The following ANK2 variants were observed in gnomAD, a reference collection of about 807,000 sequenced individuals.
The protein encoded by ANK2 is ankyrin 2.
ANK2 carries 83 observed loss-of-function variants against 360.5 expected under a neutral mutation model. The ratio of observed to expected loss-of-function variants is 0.23; its 90% confidence interval spans 0.19 to 0.28. The LOEUF (loss-of-function observed/expected upper bound fraction) is 0.28. ANK2 is among the 10% of genes least tolerant of loss of function. The pLI, the probability that ANK2 is intolerant of heterozygous loss-of-function variation, is 1.00. For synonymous variants in ANK2, 1,740 were observed against 1,759.5 expected, an observed-to-expected ratio of 0.99 and a Z score of 0.28; for missense variants, 4,201 against 4,795.7, an observed-to-expected ratio of 0.88 and a Z score of 3.66.
rs1476016380 is a variant in ANK2 at position 113,354,471 on chromosome 4, A to G, written c.5853A>G (p.Val1951=). ...GAAGAACGGACAAGCACCAACCTGT[A>G]TCAACAGCTGGGAAAACTGAGAAGC... ...PSGRTDKHQP[V]STAGKTEKHL... is the part of the protein sequence containing the mutation. The change falls in exon 38 of 46, where the codon GTA becomes GTG. Residue 1951 remains valine (V), a synonymous_variant. Transcript: ENST00000357077. 3.7e-6 allele frequency: 6 copies of G among 1,614,150 alleles called. No individual in the cohort carries two copies. In the East Asian group the frequency reaches 1.1e-4, roughly 30 times the overall value.
the ANK2 span, among the ~76,000 whole-genome samples, chr4:112,774,881 C>T: frequency 6.6e-6 from 1 of 152,170 alleles, no homozygotes; most frequent in Non-Finnish European, 1.5e-5. Context: ...AGAGATTTAA[C>T]GGGACAAGAC....
At chr4:112,761,639 A>C in the ANK2 span, among the ~76,000 whole-genome samples, 1 of 91,402 alleles carries the variant, frequency 1.1e-5, no homozygotes. Flanking sequence ...TAAATAAATA[A>C]AAATAAAATA....
chr4:113,145,281 A>G (rs1288389255), intron 1 of ANK2, among the ~76,000 whole-genome samples: 1 of 152,204 alleles, frequency 6.6e-6, no homozygotes, highest in Non-Finnish European at 1.5e-5. Flanking sequence ...CAATAATGAG[A>G]AAGAGTATAC....
At chr4:113,023,889 A>T (rs1288474871) in intron 2 of ANK2, among the ~76,000 whole-genome samples, 1 of 152,220 alleles carries the variant, frequency 6.6e-6, no homozygotes, top group Non-Finnish European at 1.5e-5. Context: ...TCTGTAGAAG[A>T]CATGCACAGA....
chr4:112,940,213 A>G (rs1387313955), intron 2 of ANK2, among the ~76,000 whole-genome samples: 1 of 152,178 alleles, frequency 6.6e-6, no homozygotes, highest in Non-Finnish European at 1.5e-5. Context: ...TTACTTTCAT[A>G]TCAAATATTT....
intron 4 of ANK2, among the ~76,000 whole-genome samples, chr4:113,226,115 C>T (rs1172021332): frequency 6.6e-6 from 1 of 152,152 alleles, no homozygotes; most frequent in Non-Finnish European, 1.5e-5. Context: ...GTAATTCTCA[C>T]TTCTTGGGAT....
At chr4:113,191,258 G>A (rs925663721) in intron 2 of ANK2, among the ~76,000 whole-genome samples, 15 of 152,252 alleles carry the variant, frequency 9.9e-5, no homozygotes, top group African/African-American at 3.1e-4. Flanking sequence ...CAGGAGAATC[G>A]CTTGAACCTG....
chr4:113,201,162 G>A lies in ANK2; in HGVS notation c.384+2053G>A, dbSNP rs779350548. 2.0e-5 allele frequency among the ~76,000 whole-genome samples: 3 copies of A among 152,170 alleles called. No individual in the cohort carries two copies. The South Asian group carries it at 6.2e-4, about 32-fold the overall frequency. ...AGTAGGGGGATTGCTGGGTCTAATG[G>A]TAGTTACGTTTTTAGTTTTTTGAGC... On this transcript the variant is annotated intron_variant, in intron 4 of 45. Transcript: ENST00000357077.
the ANK2 span, among the ~76,000 whole-genome samples, chr4:112,767,727 C>T: frequency 1.3e-5 from 2 of 152,100 alleles, no homozygotes; most frequent in Admixed American, 1.3e-4. Flanking sequence ...TATGTAGCTG[C>T]TGTTGTTAAA....
At chr4:112,961,175 C>T (rs147570629) in intron 2 of ANK2, among the ~76,000 whole-genome samples, 1,633 of 151,712 alleles carry the variant, frequency 0.011, 18 homozygotes, top group Middle Eastern at 0.034. Flanking sequence ...TTTCCTTGTC[C>T]GGGTGGACAG....
intron 24 of ANK2, chr4:113,317,407 A>G (rs1344990412): frequency 2.4e-6 from 1 of 414,330 alleles, no homozygotes; most frequent in African/African-American, 2.0e-5. Flanking sequence ...ACTGGCAGTA[A>G]TAAACTACAG....
rs2154075097 is a variant in ANK2, at chr4:113,373,420, G to A, written c.11830G>A (p.Val3944Ile). ...CTATTCCAAAGTTATAAAGCGTGTTGTATTGAAGAGTGACACCGAGCAGTC... is the reference window on the plus strand; with the variant it reads ...CTATTCCAAAGTTATAAAGCGTGTTATATTGAAGAGTGACACCGAGCAGTC... ...DGYSKVIKRV[V>I]LKSDTEQSED... is the part of the protein sequence containing the mutation. The change falls in exon 45 of 46, where the codon GTA (valine) becomes ATA (isoleucine). Residue 3944 changes from valine (V) to isoleucine (I), a missense_variant. Physicochemically the swap from Val to Ile is conservative, Grantham distance 29 (BLOSUM62 3). This residue lies in a region of ANK2 where 2,642 missense variants were observed against 2,714.5 expected (regional missense o/e 0.97). Coordinates refer to ENST00000357077, the MANE Select transcript of ANK2 (RefSeq NM_001148.6). 1 of 1,614,154 alleles carries A rather than the reference G, an allele frequency of 6.2e-7. No homozygotes were observed. Among genetic ancestry groups the A allele is most frequent in the Admixed American group, 1.7e-5 (1 of 60,030 alleles).
intron 4 of ANK2, among the ~76,000 whole-genome samples, chr4:113,200,281 A>G (rs2098811278): frequency 6.6e-6 from 1 of 152,204 alleles, no homozygotes; most frequent in Non-Finnish European, 1.5e-5. Context: ...ATAAAGTATA[A>G]CAGCATTTTA....
chr4:112,716,527 C>T, the ANK2 span, among the ~76,000 whole-genome samples: 2 of 152,128 alleles, frequency 1.3e-5, no homozygotes, highest in African/African-American at 2.4e-5. Context: ...ATATCGTAAG[C>T]CTTCTGGTTA....
intron 1 of ANK2, chr4:113,117,162 A>G (rs762383462): frequency 5.4e-5 from 21 of 386,760 alleles, no homozygotes; most frequent in Non-Finnish European, 1.0e-4. Flanking sequence ...TTATCTTGTG[A>G]GTGTTCTGGC....
intron 2 of ANK2, among the ~76,000 whole-genome samples, chr4:112,983,392 AG>A (rs1183044574): frequency 6.6e-6 from 1 of 151,120 alleles, no homozygotes; most frequent in Non-Finnish European, 1.5e-5. Flanking sequence ...AAAAAAAAAA[AG>A]AGGCCGGGCG....
Position 113,292,449 on chromosome 4 carries a change from C to A in ANK2, c.2311C>A (p.Gln771Lys). The A allele has an allele frequency of 6.2e-7, 1 of 1,611,500 alleles. No homozygotes were observed. Among genetic ancestry groups the A allele is most frequent in the Non-Finnish European group, 8.5e-7 (1 of 1,178,846 alleles). ...GYTPLHQAAQQGHTHIINVLL... is the reference protein window; with the variant it reads ...GYTPLHQAAQKGHTHIINVLL... ...CACGCCTTTGCACCAGGCCGCTCAG[C>A]AGGGTCACACGCACATCATCAACGT... is the stretch of plus-strand genomic sequence containing the variant. The change falls in exon 21 of 46, where the codon CAG becomes AAG. Residue 771 changes from glutamine to lysine, a missense_variant. Physicochemically the swap from Gln to Lys is moderately conservative, Grantham distance 53. Transcript: ENST00000357077.
chr4:113,063,852 T>C (rs373509056), intron 1 of ANK2, among the ~76,000 whole-genome samples: 4 of 152,166 alleles, frequency 2.6e-5, no homozygotes, highest in African/African-American at 9.6e-5. Flanking sequence ...ACTAAATACA[T>C]TTGAAGTTAT....
chr4:113,176,364 C>T (rs905962727), intron 2 of ANK2, among the ~76,000 whole-genome samples: 4 of 152,120 alleles, frequency 2.6e-5, no homozygotes, highest in African/African-American at 9.7e-5. Context: ...TTAACACTGA[C>T]CTATGGAATA....
Sources: gnomAD v4.1 joint callset for allele counts (sites outside exome capture counted in the v4.1 genomes callset) on GRCh38, gnomAD v4.1.1 for gene constraint, gnomAD v4.1.1 regional missense constraint, MANE v1.5 for transcripts, NCBI Gene and HGNC (gene_info 2026-07-23, HGNC 2026-07-21) for gene names.